Variants in WWOX observed in about 807,000 individuals in gnomAD.
The protein encoded by WWOX is WW domain-containing oxidoreductase.
Under a neutral mutation model 46.2 loss-of-function variants are expected in WWOX, and 69 were observed. The observed-to-expected ratio is 1.49, with a 90% confidence interval of 1.23 to 1.82. The LOEUF (loss-of-function observed/expected upper bound fraction) is 1.82, where lower values mean the gene tolerates loss of function less well. WWOX is among the 40% of genes most tolerant of loss of function. The pLI, the probability that WWOX is intolerant of heterozygous loss-of-function variation, is 0.00. For synonymous variants in WWOX, 359 were observed against 202.6 expected, an observed-to-expected ratio of 1.77 and a Z score of -6.56; for missense variants, 919 against 542.6, an observed-to-expected ratio of 1.69 and a Z score of -6.89.
At chr16:78,743,480 G>C (rs960051516) in intron 8 of WWOX, among the ~76,000 whole-genome samples, 2 of 114,668 alleles carry the variant, frequency 1.7e-5, no homozygotes, top group East Asian at 5.0e-4. Context: ...AGAAAAGTAA[G>C]TGAGGCAGGA....
intron 8 of WWOX, among the ~76,000 whole-genome samples, chr16:79,104,865 A>C (rs1303115582): frequency 6.6e-6 from 1 of 152,124 alleles, no homozygotes. Context: ...AAGGTGTCCA[A>C]ACCTCGACAG....
chr16:78,350,717 T>G (rs2081168828), intron 5 of WWOX, among the ~76,000 whole-genome samples: 1 of 121,548 alleles, frequency 8.2e-6, no homozygotes, highest in South Asian at 2.4e-4. Flanking sequence ...ACATGTAGGT[T>G]GTTTCCACAT....
At chr16:78,574,112 C>T (rs2044787253) in intron 8 of WWOX, among the ~76,000 whole-genome samples, 1 of 152,182 alleles carries the variant, frequency 6.6e-6, no homozygotes, top group African/African-American at 2.4e-5. Flanking sequence ...CTGGAGGTAC[C>T]CCTCAGCTCC....
intron 8 of WWOX, among the ~76,000 whole-genome samples, chr16:78,616,307 T>G (rs1567438982): frequency 6.6e-6 from 1 of 152,084 alleles, no homozygotes; most frequent in Non-Finnish European, 1.5e-5. Context: ...GAATAATATA[T>G]AAACAACGGA....
At position 78,462,699 on chromosome 16, in the gene WWOX, G is replaced by C. The variant is rs577321018; in HGVS notation, c.1056+29947G>C. ...CATAATTGGTGATTAGAACTGGAAA[G>C]GTGCAATAACATCTTAATACAAACT... On this transcript the variant is annotated intron_variant, in intron 8 of 8. Coordinates refer to ENST00000566780, the MANE Select transcript of WWOX (RefSeq NM_016373.4). 5.3e-5 allele frequency among the ~76,000 whole-genome samples: 8 copies of C among 152,292 alleles called. No homozygotes were observed. In the South Asian group the frequency reaches 8.3e-4, roughly 16 times the overall value.
At chr16:78,126,761 C>CT (rs1567586517) in intron 4 of WWOX, among the ~76,000 whole-genome samples, 1 of 152,142 alleles carries the variant, frequency 6.6e-6, no homozygotes, top group Non-Finnish European at 1.5e-5. Context: ...GGCACTGTTG[C>CT]TTTGGTACCC....
chr16:78,614,302 G>A (rs2045969125), intron 8 of WWOX, among the ~76,000 whole-genome samples: 1 of 152,226 alleles, frequency 6.6e-6, no homozygotes, highest in South Asian at 2.1e-4. Flanking sequence ...AAAGCAGAGG[G>A]AATCAAGTAG....
chr16:78,473,890 T>C (rs2151437741), intron 8 of WWOX, among the ~76,000 whole-genome samples: 1 of 152,270 alleles, frequency 6.6e-6, no homozygotes. Context: ...TTCTTCGCCG[T>C]TGTTACCGTA....
At chr16:78,408,597 G>A (rs1317066587) in intron 6 of WWOX, among the ~76,000 whole-genome samples, 1 of 152,204 alleles carries the variant, frequency 6.6e-6, no homozygotes, top group African/African-American at 2.4e-5. Flanking sequence ...TTGATCTCCT[G>A]TCCTACGTAG....
At chr16:78,395,501 G>GA (rs2082264877) in intron 6 of WWOX, among the ~76,000 whole-genome samples, 1 of 152,054 alleles carries the variant, frequency 6.6e-6, no homozygotes, top group South Asian at 2.1e-4. Context: ...AACAGAGCCA[G>GA]AACCTGTCTT....
chr16:78,235,935 G>C (rs2037422657), intron 5 of WWOX, among the ~76,000 whole-genome samples: 1 of 152,186 alleles, frequency 6.6e-6, no homozygotes, highest in Admixed American at 6.5e-5. Flanking sequence ...TTCTCTAAAG[G>C]GCTGGATAGT....
intron 8 of WWOX, among the ~76,000 whole-genome samples, chr16:78,573,865 C>G (rs2044780777): frequency 6.6e-6 from 1 of 152,242 alleles, no homozygotes; most frequent in Non-Finnish European, 1.5e-5. Context: ...CAGCTTAAAA[C>G]AGCACACATT....
chr16:78,355,999 T>A (rs2081277629), intron 5 of WWOX, among the ~76,000 whole-genome samples: 1 of 148,572 alleles, frequency 6.7e-6, no homozygotes. Context: ...ATTCACAACT[T>A]CTTAAGCTAA....
In WWOX at chr16:78,338,250, T is replaced by TA. The variant is rs1161539200; in HGVS notation, c.517-48609dup. Among the ~76,000 whole-genome samples, 3 of 121,086 alleles carry TA rather than the reference T, an allele frequency of 2.5e-5. No individual in the cohort carries two copies. In the East Asian group the frequency reaches 5.8e-4, roughly 23 times the overall value. 79.4% of individuals were successfully genotyped at this position (121,086 alleles called of 152,430 possible). On this transcript the variant is annotated intron_variant, in intron 5 of 8. Transcript: ENST00000566780. ...CTATCGTATTCAGCAACCAAAATTTTATCACTTGCCTGATACTGCCTAGTG... is the reference window on the plus strand; with the variant it reads ...CTATCGTATTCAGCAACCAAAATTTTAATCACTTGCCTGATACTGCCTAGTG...
chr16:78,354,340 G>A (rs1288022349), intron 5 of WWOX, among the ~76,000 whole-genome samples: 1 of 144,746 alleles, frequency 6.9e-6, no homozygotes, highest in African/African-American at 2.6e-5. Flanking sequence ...CAGGTGTGTA[G>A]GTATGTGACT....
intron 8 of WWOX, among the ~76,000 whole-genome samples, chr16:79,152,352 A>G (rs986928879): frequency 1.3e-5 from 2 of 152,128 alleles, no homozygotes; most frequent in Admixed American, 6.5e-5. Flanking sequence ...GGGTGAAGCC[A>G]AGGGGAAGAC....
intron 8 of WWOX, among the ~76,000 whole-genome samples, chr16:78,962,249 C>T (rs867473523): frequency 8.2e-5 from 12 of 146,214 alleles, no homozygotes; most frequent in Middle Eastern, 3.7e-3. Context: ...TTTCTCTATC[C>T]CATTAGCTGA....
intron 8 of WWOX, among the ~76,000 whole-genome samples, chr16:79,191,168 C>A (rs150742295): frequency 1.3e-5 from 2 of 152,138 alleles, no homozygotes; most frequent in African/African-American, 4.8e-5. Flanking sequence ...ATTCTTCTGC[C>A]TCAGCTTCCC....
chr16:78,848,815 C>T (rs938583080), intron 8 of WWOX, among the ~76,000 whole-genome samples: 1 of 151,436 alleles, frequency 6.6e-6, no homozygotes, highest in African/African-American at 2.4e-5. Context: ...TTTTTAACCT[C>T]CTCTGAGATT....
Sources: gnomAD v4.1 joint callset for allele counts (sites outside exome capture counted in the v4.1 genomes callset) on GRCh38, gnomAD v4.1.1 for gene constraint, MANE v1.5 for transcripts, NCBI Gene and HGNC (gene_info 2026-07-23, HGNC 2026-07-21) for gene names.